Variants in ADGRG6 observed in about 807,000 individuals in gnomAD.
ADGRG6 encodes adhesion G protein-coupled receptor G6.
ADGRG6 carries 84 observed loss-of-function variants against 142.4 expected under a neutral mutation model. The observed-to-expected ratio is 0.59, with a 90% confidence interval of 0.49 to 0.71. The LOEUF (loss-of-function observed/expected upper bound fraction) is 0.71. Among genes scored for constraint, ADGRG6 ranks in the 30% least tolerant of loss-of-function variants. The pLI, the probability that ADGRG6 is intolerant of heterozygous loss-of-function variation, is 0.00. For missense variants in ADGRG6, 1,367 were observed against 1,466.6 expected (o/e 0.93, Z 1.11); for synonymous variants, 521 against 520.5 (o/e 1.00, Z -0.01).
chr6:142,419,482 A>G (rs1034708775), intron 21 of ADGRG6, among the ~76,000 whole-genome samples: 24 of 152,286 alleles, frequency 1.6e-4, no homozygotes, highest in Admixed American at 1.3e-3. Flanking sequence ...TAAATTTCCC[A>G]TTCTCAGTGT....
intron 9 of ADGRG6, among the ~76,000 whole-genome samples, chr6:142,395,563 A>G (rs1775142873): frequency 6.6e-6 from 1 of 152,168 alleles, no homozygotes; most frequent in Non-Finnish European, 1.5e-5. Context: ...AAGGACATTT[A>G]AATTCATGGG....
At chr6:142,327,842 A>T (rs1778853358) in intron 2 of ADGRG6, among the ~76,000 whole-genome samples, 1 of 152,144 alleles carries the variant, frequency 6.6e-6, no homozygotes, top group African/African-American at 2.4e-5. Context: ...GAAAACAAGA[A>T]TCCTACATTT....
At chr6:142,431,009 C>T (rs1777181853) in intron 22 of ADGRG6, among the ~76,000 whole-genome samples, 1 of 152,080 alleles carries the variant, frequency 6.6e-6, no homozygotes, top group African/African-American at 2.4e-5. Context: ...CACCCTTTCT[C>T]CATTACAATT....
At position 142,392,867 on chromosome 6, in the gene ADGRG6, C is replaced by G; in HGVS notation, c.1309-81C>G. ...TCCCAGGGTCTTATCTCAGTAACAA[C>G]TTATGTTTTAGGTAGAAACTTGAAT... On this transcript the variant is annotated intron_variant, in intron 7 of 24. Transcript: ENST00000367609. 5.4e-6 allele frequency: 5 copies of G among 928,092 alleles called. No homozygotes were observed. In the South Asian group the frequency reaches 7.1e-5, roughly 13 times the overall value. The allele number at this position is 928,092 out of a possible 1,614,324, so 57.5% of individuals were successfully genotyped here. A position where few individuals can be genotyped will look rare whatever the true frequency, so the allele number is the denominator to read the frequency against.
At chr6:142,441,799 GAATC>G (rs897449959) in intron 24 of ADGRG6, among the ~76,000 whole-genome samples, 1 of 152,182 alleles carries the variant, frequency 6.6e-6, no homozygotes, top group African/African-American at 2.4e-5. Context: ...AGGAAGCTCA[GAATC>G]AATCAGCTTG....
chr6:142,362,890 C>T (rs2114834448), intron 2 of ADGRG6, among the ~76,000 whole-genome samples: 1 of 151,992 alleles, frequency 6.6e-6, no homozygotes, highest in East Asian at 1.9e-4. Flanking sequence ...TTTTAGAAGC[C>T]ACCAAGACTA....
chr6:142,350,477 C>T (rs1373945632), intron 2 of ADGRG6, among the ~76,000 whole-genome samples: 1 of 152,144 alleles, frequency 6.6e-6, no homozygotes, highest in Non-Finnish European at 1.5e-5. Flanking sequence ...GATGAAACAA[C>T]TCATAAACTC....
chr6:142,434,981 C>T (rs549059405), intron 22 of ADGRG6, among the ~76,000 whole-genome samples: 2 of 152,160 alleles, frequency 1.3e-5, no homozygotes, highest in South Asian at 2.1e-4. Context: ...TAACCTTAGA[C>T]TTATTTTGCA....
chr6:142,431,055 T>A (rs2115161915), intron 22 of ADGRG6, among the ~76,000 whole-genome samples: 1 of 152,170 alleles, frequency 6.6e-6, no homozygotes, highest in East Asian at 1.9e-4. Context: ...AAATTGCAAA[T>A]TTTACTGAGA....
chr6:142,348,034 T>C (rs999747572), intron 2 of ADGRG6, among the ~76,000 whole-genome samples: 20 of 152,184 alleles, frequency 1.3e-4, no homozygotes, highest in African/African-American at 4.6e-4. Context: ...TTAAGTATCA[T>C]AATCAATGAG....
chr6:142,338,839 C>G (rs1779478929), intron 2 of ADGRG6, among the ~76,000 whole-genome samples: 1 of 152,142 alleles, frequency 6.6e-6, no homozygotes, highest in Non-Finnish European at 1.5e-5. Context: ...TTACCACCAT[C>G]AAGCCCCTCA....
chr6:142,412,976 T>C (rs1287686407), intron 18 of ADGRG6, among the ~76,000 whole-genome samples: 1 of 152,124 alleles, frequency 6.6e-6, no homozygotes, highest in Non-Finnish European at 1.5e-5. Flanking sequence ...AATTTTATTA[T>C]GAGTTTGTAA....
intron 2 of ADGRG6, among the ~76,000 whole-genome samples, chr6:142,335,051 G>A (rs1225737581): frequency 6.6e-6 from 1 of 152,220 alleles, no homozygotes; most frequent in Non-Finnish European, 1.5e-5. Context: ...CATTCTGACA[G>A]GAAAGGGCTT....
At position 142,370,363 on chromosome 6, in the gene ADGRG6, C is replaced by G. The variant is rs200482035; in HGVS notation, c.639C>G (p.Leu213=). ...CAAATGCATCCTTCACACAATTGCT[C>G]AGTTTTGGAAAGGCCAAGAGTGGCT... is the stretch of plus-strand genomic sequence containing the variant. ...SYSNASFTQL[L]SFGKAKSGYF... Residue 213 remains leucine, a synonymous_variant, in exon 4 of 25, where the codon CTC becomes CTG. Transcript: ENST00000367609. 1.8e-5 allele frequency: 29 copies of G among 1,613,370 alleles called. No homozygotes were observed. The highest frequency in any genetic ancestry group is 2.5e-5 in the Non-Finnish European group (29 of 1,179,494).
At chr6:142,411,244 A>T in intron 17 of ADGRG6, 61 bp from the exon 18 acceptor site, 1 of 881,616 alleles carries the variant, frequency 1.1e-6, no homozygotes, top group Admixed American at 1.7e-5. Context: ...AGAAGGTCTC[A>T]TCCATTATAG....
intron 2 of ADGRG6, among the ~76,000 whole-genome samples, chr6:142,316,799 TG>T (rs1778098743): frequency 6.6e-6 from 1 of 152,008 alleles, no homozygotes; most frequent in Non-Finnish European, 1.5e-5. Context: ...TTTACCTTAG[TG>T]TTTTTTTTTA....
chr6:142,395,202 G>A (rs1775112473), intron 9 of ADGRG6, among the ~76,000 whole-genome samples: 2 of 151,944 alleles, frequency 1.3e-5, no homozygotes, highest in African/African-American at 4.8e-5. Context: ...TTATTTTCTG[G>A]TATTATAATT....
intron 7 of ADGRG6, among the ~76,000 whole-genome samples, chr6:142,392,715 A>G (rs1013639187): frequency 6.6e-6 from 1 of 151,952 alleles, no homozygotes; most frequent in African/African-American, 2.4e-5. Flanking sequence ...GTGTGGGGAT[A>G]ATACCTATTT....
At chr6:142,386,281 T>G (rs1782013922) in intron 6 of ADGRG6, among the ~76,000 whole-genome samples, 1 of 152,188 alleles carries the variant, frequency 6.6e-6, no homozygotes, top group African/African-American at 2.4e-5. Context: ...AAATAACATG[T>G]AATGAAACCA....
Sources: gnomAD v4.1 joint callset for allele counts (sites outside exome capture counted in the v4.1 genomes callset) on GRCh38, gnomAD v4.1.1 for gene constraint, MANE v1.5 for transcripts, NCBI Gene and HGNC (gene_info 2026-07-23, HGNC 2026-07-21) for gene names.